Variants in TMC5 observed in about 807,000 individuals in gnomAD.
TMC5 encodes transmembrane channel-like protein 5.
Under a neutral mutation model 110.5 loss-of-function variants are expected in TMC5, and 86 were observed. The ratio of observed to expected loss-of-function variants is 0.78; its 90% CI spans 0.65 to 0.93. The LOEUF (loss-of-function observed/expected upper bound fraction) is 0.93, where lower values mean the gene tolerates loss of function less well. Ranked by LOEUF, TMC5 falls within the 40% of genes least tolerant of loss-of-function variation. The pLI is 0.00. For missense variants in TMC5, 1,144 were observed against 1,222.8 expected (o/e 0.94, Z 0.96); for synonymous variants, 455 against 439.5 (o/e 1.04, Z -0.44).
intron 5 of TMC5, 33 bp downstream of exon 5, chr16:19,449,664 C>G: frequency 6.4e-7 from 1 of 1,574,100 alleles, no homozygotes; most frequent in Non-Finnish European, 8.7e-7. Context: ...GTGTCCCCAC[C>G]CAACTCTCAT....
chr16:19,410,582 G>C (rs1436968174), upstream of TMC5: 2 of 152,246 alleles, frequency 1.3e-5, no homozygotes, highest in Non-Finnish European at 2.9e-5. Flanking sequence ...TGCAGACTAC[G>C]GGCGGTGAAT....
intron 12 of TMC5, among the ~76,000 whole-genome samples, chr16:19,475,291 G>A (rs992490645): frequency 2.6e-5 from 4 of 152,006 alleles, no homozygotes; most frequent in Admixed American, 6.6e-5. Context: ...GCTTGGTGAC[G>A]CATGTCTGTA....
intron 3 of TMC5, among the ~76,000 whole-genome samples, chr16:19,441,806 ATTCAT>A (rs1310321789): frequency 2.6e-5 from 4 of 151,066 alleles, no homozygotes; most frequent in Non-Finnish European, 5.9e-5. Flanking sequence ...TTATTCATTC[ATTCAT>A]TCATTTTTTG....
In TMC5 at chr16:19,490,487, C is replaced by G. The variant is rs1438005263; in HGVS notation, c.2666C>G (p.Pro889Arg). The G allele has an allele frequency of 1.2e-6, 2 of 1,614,174 alleles. No individual in the cohort carries two copies. Among genetic ancestry groups the G allele is most frequent in the Admixed American group, 3.3e-5 (2 of 60,018 alleles). ...TGGATCGACACCCTAAGTACACGGC[C>G]TGGCTACCTGTGGGTTGTTTGGATC... is the stretch of plus-strand genomic sequence containing the variant. ...YSWIDTLSTR[P>R]GYLWVVWIYR... The change falls in exon 18 of 22, where the codon CCT becomes CGT. Residue 889 changes from proline (P) to arginine (R), a missense_variant. Pro to Arg is a moderately radical substitution (Grantham distance 103). Coordinates refer to ENST00000542583, the MANE Select transcript of TMC5 (RefSeq NM_001261841.2).
chr16:19,454,069 G>A (rs1967810361), intron 5 of TMC5, among the ~76,000 whole-genome samples: 1 of 151,882 alleles, frequency 6.6e-6, no homozygotes, highest in Admixed American at 6.6e-5. Flanking sequence ...TGTTTTTGAG[G>A]CAGAGTTTCA....
intron 19 of TMC5, among the ~76,000 whole-genome samples, chr16:19,493,893 T>G (rs201935700): frequency 7.1e-6 from 1 of 140,796 alleles, no homozygotes; most frequent in Non-Finnish European, 1.6e-5. Context: ...CTTTTTTTTT[T>G]GTTTTGACAT....
chr16:19,430,112 G>A (rs1006649283), intron 1 of TMC5, among the ~76,000 whole-genome samples: 2 of 152,150 alleles, frequency 1.3e-5, no homozygotes, highest in Non-Finnish European at 2.9e-5. Flanking sequence ...TTCCAGACAG[G>A]GAAGAGGACA....
chr16:19,491,078 A>G (rs1325052538), intron 18 of TMC5, among the ~76,000 whole-genome samples: 1 of 151,094 alleles, frequency 6.6e-6, no homozygotes, highest in Non-Finnish European at 1.5e-5. Flanking sequence ...CGGCATGGTC[A>G]TGGCTTGCTG....
intron 2 of TMC5, among the ~76,000 whole-genome samples, chr16:19,434,247 TA>T (rs1323381775): frequency 1.5e-5 from 1 of 66,666 alleles, no homozygotes; most frequent in Non-Finnish European, 3.6e-5. Context: ...TATATCTATC[TA>T]AAATATATAT....
Position 19,412,312 on chromosome 16 carries a change from T to C in TMC5, c.-308+1136T>C, listed in dbSNP as rs557049923. Reference sequence around the variant, plus strand: ...GCCTTGAACTTCTGGGCTCAAAAGATCCTCCTGCCTCAGCCTCCTAAAGTG... The same window carrying C: ...GCCTTGAACTTCTGGGCTCAAAAGACCCTCCTGCCTCAGCCTCCTAAAGTG... On this transcript the variant is annotated intron_variant, in intron 1 of 20. Coordinates refer to the TMC5 transcript ENST00000381414. Among the ~76,000 whole-genome samples the C allele has an allele frequency of 2.0e-5, 3 of 151,838 alleles. No homozygotes were observed. The East Asian group carries it at 5.8e-4, about 29-fold the overall frequency.
chr16:19,457,492 A>T (rs935454298), intron 5 of TMC5, among the ~76,000 whole-genome samples: 2 of 152,170 alleles, frequency 1.3e-5, no homozygotes, highest in African/African-American at 4.8e-5. Context: ...GACATCCCTA[A>T]CAAGAGCTTA....
At chr16:19,417,028 A>G (rs1203404002), upstream of TMC5, among the ~76,000 whole-genome samples, 2 of 127,686 alleles carry the variant, frequency 1.6e-5, no homozygotes. Flanking sequence ...TGGGAGGCGG[A>G]GGTTGCAGTG....
At position 19,469,820 on chromosome 16, in the gene TMC5, A is replaced by C; in HGVS notation, c.1777A>C (p.Ile593Leu). 3 of 1,614,032 alleles carry C rather than the reference A, an allele frequency of 1.9e-6. No homozygotes were observed. Among genetic ancestry groups the C allele is most frequent in the South Asian group, 1.1e-5 (1 of 91,084 alleles). Residue 593 changes from isoleucine to leucine, a missense_variant, in exon 10 of 22, where the codon ATA (isoleucine) becomes CTA (leucine). By Grantham distance (5) the Ile-to-Leu change is conservative. Coordinates refer to ENST00000542583, the MANE Select transcript of TMC5 (RefSeq NM_001261841.2). ...KLKQKNLSTE[I>L]RENLSELRQE... Reference sequence around the variant, plus strand: ...AAAACAGAAGAATCTTAGCACTGAGATAAGGGTAAGGCGAGCTCACTTTAC... The same window carrying C: ...AAAACAGAAGAATCTTAGCACTGAGCTAAGGGTAAGGCGAGCTCACTTTAC...
At chr16:19,468,623 G>C (rs541335872) in intron 9 of TMC5, among the ~76,000 whole-genome samples, 23 of 152,282 alleles carry the variant, frequency 1.5e-4, no homozygotes, top group Non-Finnish European at 2.2e-4. Flanking sequence ...GGAATCACAA[G>C]GGTCTTTATA....
rs757922088 is a variant in TMC5, at chr16:19,479,422, G to C, written c.2170-9G>C. On this transcript the variant is annotated splice_polypyrimidine_tract_variant and intron_variant, in intron 13 of 21. Coordinates refer to ENST00000542583, the MANE Select transcript of TMC5 (RefSeq NM_001261841.2). ...CCTTCCCACATCCTGACTCTTGTTTGCCTTCCAGTGTTGGGAAACCCTCAT... is the reference window on the plus strand; with the variant it reads ...CCTTCCCACATCCTGACTCTTGTTTCCCTTCCAGTGTTGGGAAACCCTCAT... 1 of 1,608,706 alleles carries C rather than the reference G, an allele frequency of 6.2e-7. No individual in the cohort carries two copies. Among genetic ancestry groups the C allele is most frequent in the Admixed American group, 1.7e-5 (1 of 60,008 alleles).
chr16:19,490,636 T>C, intron 18 of TMC5, 68 bp downstream of exon 18: 2 of 1,546,308 alleles, frequency 1.3e-6, no homozygotes, highest in South Asian at 2.3e-5. Flanking sequence ...GCAGTAGGGA[T>C]GTTTGGTTGG....
Position 19,463,801 on chromosome 16 carries a change from T to A in TMC5, c.1262T>A (p.Leu421Gln), listed in dbSNP as rs1227437324. Residue 421 changes from leucine (L) to glutamine (Q), a missense_variant, in exon 8 of 22, where the codon CTG becomes CAG. Physicochemically the swap from Leu to Gln is moderately radical, Grantham distance 113. Coordinates refer to ENST00000542583, the MANE Select transcript of TMC5 (RefSeq NM_001261841.2). ...SRAYRRSKNS[L>Q]SEILNSISLW... ...GCTTATCGGAGATCCAAGAACAGCC[T>A]GTCGGAAATTCTGAATTCCATCAGC... 6.2e-7 allele frequency: 1 copy of A among 1,614,176 alleles called. No individual in the cohort carries two copies. The highest frequency in any genetic ancestry group is 1.3e-5 in the African/African-American group (1 of 75,058).
intron 13 of TMC5, 27 bp from the exon 14 acceptor site, chr16:19,479,404 A>G: frequency 6.4e-7 from 1 of 1,558,672 alleles, no homozygotes; most frequent in Non-Finnish European, 8.9e-7. Context: ...GCCCCTTCCC[A>G]CATCCTGACT....
intron 6 of TMC5, 83 bp downstream of exon 6, chr16:19,460,417 A>G (rs1597190076): frequency 1.0e-6 from 1 of 975,550 alleles, no homozygotes; most frequent in South Asian, 1.5e-5. Context: ...AAAAGATAAG[A>G]AATAAATAAG....
Sources: gnomAD v4.1 joint callset for allele counts (sites outside exome capture counted in the v4.1 genomes callset) on GRCh38, gnomAD v4.1.1 for gene constraint, MANE v1.5 for transcripts, NCBI Gene and HGNC (gene_info 2026-07-23, HGNC 2026-07-21) for gene names.